The following AKAP6 variants were observed in gnomAD, a reference collection of about 807,000 sequenced individuals.
The protein encoded by AKAP6 is A-kinase anchoring protein 6.
In AKAP6, 58 loss-of-function variants were observed where a neutral mutation model predicts 188.5. The observed-to-expected ratio is 0.31, with a 90% CI of 0.25 to 0.38. The LOEUF (loss-of-function observed/expected upper bound fraction) is 0.38. Among genes scored for constraint, AKAP6 ranks in the 10% least tolerant of loss-of-function variants. The pLI is 1.00. For missense variants in AKAP6, 2,710 were observed against 2,740.0 expected (o/e 0.99, Z 0.24); for synonymous variants, 989 against 998.6 (o/e 0.99, Z 0.18).
At position 32,535,778 on chromosome 14, in the gene AKAP6, G is replaced by A. The variant is rs772511431; in HGVS notation, c.549G>A (p.Leu183=). 1.1e-5 allele frequency: 17 copies of A among 1,613,396 alleles called. No homozygotes were observed. The South Asian group carries it at 1.6e-4, about 16-fold the overall frequency. Residue 183 remains leucine, a synonymous_variant, in exon 3 of 14, where the codon CTG becomes CTA. Transcript: ENST00000280979. ...NGNYTRQTDI[L]QAFSEETKEG... ...ACTACACTAGGCAGACGGACATTCT[G>A]CAAGCTTTCTCTGAAGAGACAAAAG...
chr14:32,361,876 T>C (rs1887676427), intron 1 of AKAP6, among the ~76,000 whole-genome samples: 1 of 152,086 alleles, frequency 6.6e-6, no homozygotes, highest in South Asian at 2.1e-4. Context: ...GGCTTATTGT[T>C]GAATTGTATG....
chr14:32,615,542 A>G (rs1886537203), intron 7 of AKAP6, among the ~76,000 whole-genome samples: 1 of 151,344 alleles, frequency 6.6e-6, no homozygotes, highest in South Asian at 2.1e-4. Context: ...CTACCTATTG[A>G]ATCTCACAAT....
intron 9 of AKAP6, chr14:32,718,461 T>A: frequency 3.4e-6 from 1 of 290,854 alleles, no homozygotes; most frequent in Non-Finnish European, 5.1e-6. Flanking sequence ...GCCTGTAGCA[T>A]ACTGGTATCG....
intron 1 of AKAP6, among the ~76,000 whole-genome samples, chr14:32,366,154 G>C (rs1347356810): frequency 6.6e-6 from 1 of 151,422 alleles, no homozygotes; most frequent in Non-Finnish European, 1.5e-5. Context: ...ACCCTTCCTT[G>C]TTTGCACCCC....
At chr14:32,617,718 C>T (rs568460288) in intron 7 of AKAP6, among the ~76,000 whole-genome samples, 4 of 152,186 alleles carry the variant, frequency 2.6e-5, no homozygotes, top group Non-Finnish European at 5.9e-5. Context: ...CTTTGCCTCC[C>T]AGGTTTGAGT....
intron 13 of AKAP6, among the ~76,000 whole-genome samples, chr14:32,825,575 C>T (rs2300861): frequency 0.63 from 95,960 of 152,094 alleles, 31,961 homozygotes; most frequent in African/African-American, 0.85. Context: ...CCACTCTTCA[C>T]ATTTAATAAG....
In AKAP6 at chr14:32,834,533, C is replaced by CTTTTTTTTTTTTTT. The variant is rs11417769; in HGVS notation, c.*4736_*4749dup. 1 of 103,874 alleles carries CTTTTTTTTTTTTTT rather than the reference C, an allele frequency of 9.6e-6. No homozygotes were observed. The highest frequency in any genetic ancestry group is 1.1e-4 in the Admixed American group (1 of 8,788). 6.4% of individuals were successfully genotyped at this position (103,874 alleles called of 1,614,324 possible). ...CACACACTGCTTTTAGTTTCCAAGT[C>CTTTTTTTTTTTTTT]TTTTTTTTTTTTTTTTTTTTTAAAT... On this transcript the variant is annotated 3_prime_UTR_variant, in exon 14 of 14. Transcript: ENST00000280979.
intron 7 of AKAP6, among the ~76,000 whole-genome samples, chr14:32,601,471 C>A (rs576062057): frequency 1.3e-5 from 2 of 152,248 alleles, no homozygotes; most frequent in Admixed American, 1.3e-4. Context: ...AAATGAGGCA[C>A]CTTTTGATAC....
intron 7 of AKAP6, among the ~76,000 whole-genome samples, chr14:32,656,180 G>A (rs368187518): frequency 2.6e-5 from 4 of 152,154 alleles, no homozygotes; most frequent in Non-Finnish European, 4.4e-5. Flanking sequence ...TATTTATAGC[G>A]TGTATGACTA....
At chr14:32,559,443 T>G (rs1883833550) in intron 4 of AKAP6, among the ~76,000 whole-genome samples, 1 of 152,216 alleles carries the variant, frequency 6.6e-6, no homozygotes, top group African/African-American at 2.4e-5. Context: ...TCTGAACAAT[T>G]TTTAAATAGG....
intron 1 of AKAP6, among the ~76,000 whole-genome samples, chr14:32,387,338 A>G (rs778321079): frequency 5.3e-5 from 8 of 152,006 alleles, no homozygotes; most frequent in Admixed American, 6.6e-5. Flanking sequence ...GTTGAAGAGA[A>G]GTGATGAGAG....
At chr14:32,496,623 A>C (rs1474572556) in intron 2 of AKAP6, among the ~76,000 whole-genome samples, 1 of 152,060 alleles carries the variant, frequency 6.6e-6, no homozygotes, top group Non-Finnish European at 1.5e-5. Flanking sequence ...TTGTATATTA[A>C]TGTCACTAAT....
intron 1 of AKAP6, among the ~76,000 whole-genome samples, chr14:32,379,459 A>G (rs1888273367): frequency 6.6e-6 from 1 of 152,152 alleles, no homozygotes; most frequent in Non-Finnish European, 1.5e-5. Flanking sequence ...ATACTTTTAC[A>G]TCAGAGTAAA....
In AKAP6 at chr14:32,655,983, A is replaced by G. The variant is rs1216229485; in HGVS notation, c.2731-22328A>G. ...TAAGATAAATCTATCTGTTTTTCTCAAGATAAATATCTCTCGTCTAGATAT... is the reference window on the plus strand; with the variant it reads ...TAAGATAAATCTATCTGTTTTTCTCGAGATAAATATCTCTCGTCTAGATAT... On this transcript the variant is annotated intron_variant, in intron 7 of 13. Transcript: ENST00000280979. 3.9e-5 allele frequency among the ~76,000 whole-genome samples: 6 copies of G among 152,272 alleles called. No homozygotes were observed. The East Asian group carries it at 1.2e-3, about 29-fold the overall frequency.
At chr14:32,458,679 A>G (rs1261655615) in intron 2 of AKAP6, among the ~76,000 whole-genome samples, 1 of 152,152 alleles carries the variant, frequency 6.6e-6, no homozygotes, top group African/African-American at 2.4e-5. Context: ...ATAAATGAAA[A>G]TGATACCTAA....
intron 11 of AKAP6, among the ~76,000 whole-genome samples, chr14:32,753,496 TC>T (rs1453413857): frequency 6.6e-6 from 1 of 152,220 alleles, no homozygotes; most frequent in Non-Finnish European, 1.5e-5. Context: ...GTTGATTGTT[TC>T]CTTTCTGTGC....
At chr14:32,534,423 G>T (rs1882572745) in intron 2 of AKAP6, among the ~76,000 whole-genome samples, 1 of 152,136 alleles carries the variant, frequency 6.6e-6, no homozygotes, top group Non-Finnish European at 1.5e-5. Flanking sequence ...ATTTCATGCT[G>T]CTGGCCTCTG....
chr14:32,355,860 G>A (rs1170330161), intron 1 of AKAP6, among the ~76,000 whole-genome samples: 2 of 151,592 alleles, frequency 1.3e-5, no homozygotes, highest in East Asian at 1.9e-4. Context: ...CTGCAGCCTC[G>A]AACTCCTGGA....
In AKAP6 at chr14:32,748,194, A is replaced by G. The variant is rs556390781; in HGVS notation, c.3372+12312A>G. Among the ~76,000 whole-genome samples the G allele has an allele frequency of 7.2e-5, 11 of 152,342 alleles. No homozygotes were observed. In the South Asian group the frequency reaches 2.1e-3, roughly 29 times the overall value. ...TTGCAAAGGTATCTCAGTGCTCTCC[A>G]CTCAAGTAAGTATAGGATGGGAACA... is the stretch of plus-strand genomic sequence containing the variant. On this transcript the variant is annotated intron_variant, in intron 11 of 13. Coordinates refer to ENST00000280979, the MANE Select transcript of AKAP6 (RefSeq NM_004274.5).
Sources: allele counts gnomAD v4.1 joint callset (sites outside exome capture counted in the v4.1 genomes callset), GRCh38; gene constraint gnomAD v4.1.1; transcripts MANE v1.5; gene names NCBI Gene and HGNC (gene_info 2026-07-23, HGNC 2026-07-21).